Variants in TRNT1 observed in about 807,000 individuals in gnomAD.
The protein encoded by TRNT1 is CCA tRNA nucleotidyltransferase 1, mitochondrial.
In TRNT1, 44 loss-of-function variants were observed where a neutral mutation model predicts 45.6. The ratio of observed to expected loss-of-function variants is 0.97; its 90% confidence interval spans 0.76 to 1.24. The LOEUF is 1.24. TRNT1 is among the 50% of genes most tolerant of loss of function. The pLI is 0.00. For missense variants in TRNT1, 633 were observed against 504.4 expected, an observed-to-expected ratio of 1.25 and a Z score of -2.44; for synonymous variants, 201 against 171.4, an observed-to-expected ratio of 1.17 and a Z score of -1.35.
intron 2 of TRNT1, among the ~76,000 whole-genome samples, chr3:3,130,974 T>C (rs1472115772): frequency 6.6e-6 from 1 of 151,880 alleles, no homozygotes; most frequent in Non-Finnish European, 1.5e-5. Flanking sequence ...CCCTGCTACT[T>C]GGGAGGCTGA....
chr3:3,130,075 C>G, intron 2 of TRNT1: 1 of 1,088,354 alleles, frequency 9.2e-7, no homozygotes, highest in Non-Finnish European at 1.3e-6. Context: ...TGTTGATTCT[C>G]AATGTTGTCT....
chr3:3,133,562 A>G (rs992312378), intron 2 of TRNT1, among the ~76,000 whole-genome samples: 25 of 151,990 alleles, frequency 1.6e-4, no homozygotes, highest in African/African-American at 5.8e-4. Context: ...TCTCAAAAAA[A>G]AAAAAATGAG....
At chr3:3,150,433 G>GTTA (rs1393550171), downstream of TRNT1, 2 of 158,234 alleles carry the variant, frequency 1.3e-5, no homozygotes, top group African/African-American at 4.8e-5. Context: ...CCTAGCTTTT[G>GTTA]TTATTTAGAG....
chr3:3,151,077 A>C, downstream of TRNT1: 6 of 1,610,450 alleles, frequency 3.7e-6, no homozygotes, highest in Non-Finnish European at 5.1e-6. Flanking sequence ...TCAGCTAAGG[A>C]AACATTTCTG....
rs1480255948 is a variant in TRNT1, at chr3:3,129,146, G to A, written c.106G>A (p.Glu36Lys). 4 of 1,614,154 alleles carry A rather than the reference G, an allele frequency of 2.5e-6. No homozygotes were observed. The highest frequency in any genetic ancestry group is 1.7e-5 in the Admixed American group (1 of 60,026). ...ATTCACAATGAAGTTGCAGTCTCCC[G>A]AATTCCAGTCACTTTTCACAGAAGG... ...YLFTMKLQSP[E>K]FQSLFTEGLK... is the part of the protein sequence containing the mutation. The change falls in exon 2 of 8, where the codon GAA (glutamate) becomes AAA (lysine). Residue 36 changes from glutamate to lysine, a missense_variant. By Grantham distance (56) the Glu-to-Lys change is moderately conservative. Transcript: ENST00000251607.
chr3:3,135,104 T>C (rs544220931), intron 2 of TRNT1, among the ~76,000 whole-genome samples: 40 of 152,280 alleles, frequency 2.6e-4, no homozygotes, highest in African/African-American at 9.4e-4. Context: ...TTGTTTGCCA[T>C]GTAGACATAC....
downstream of TRNT1, chr3:3,150,609 T>G: frequency 2.6e-6 from 1 of 392,132 alleles, no homozygotes; most frequent in Admixed American, 3.9e-5. Context: ...CATATCAGAT[T>G]CCACAGGATA....
chr3:3,153,358 CAG>C, downstream of TRNT1: 3 of 949,282 alleles, frequency 3.2e-6, no homozygotes, highest in East Asian at 2.4e-5. Context: ...TTATGGAAAA[CAG>C]AAATACAGTC....
At chr3:3,139,800 C>G (rs1705534469) in intron 3 of TRNT1, among the ~76,000 whole-genome samples, 1 of 152,028 alleles carries the variant, frequency 6.6e-6, no homozygotes, top group Admixed American at 6.6e-5. Context: ...GATCTCGACT[C>G]ACTGCAGCCT....
At chr3:3,136,800 G>A (rs1272231747) in intron 2 of TRNT1, 1 of 348,710 alleles carries the variant, frequency 2.9e-6, no homozygotes, top group African/African-American at 2.2e-5. Flanking sequence ...GACTACAGGT[G>A]TGCGCCACTG....
downstream of TRNT1, chr3:3,150,781 G>C: frequency 1.6e-6 from 2 of 1,287,340 alleles, no homozygotes; most frequent in Non-Finnish European, 1.1e-6. Context: ...TGTTTACTTA[G>C]GTATGTATCA....
downstream of TRNT1, chr3:3,150,666 C>T (rs900215425): frequency 7.5e-6 from 4 of 536,866 alleles, no homozygotes; most frequent in East Asian, 3.4e-5. Flanking sequence ...TCTAGACTGC[C>T]GTTCATGCTT....
At position 3,129,864 on chromosome 3, in the gene TRNT1, C is replaced by T. The variant is rs560513577; in HGVS notation, c.148+676C>T. The stretch of plus-strand genomic sequence containing the variant: ...ACTAGAGAGCTAGGTTTCGAACTTA[C>T]GCAGATTGATTTCAGAGCCCAGCTT... On this transcript the variant is annotated intron_variant, in intron 2 of 7. Coordinates refer to ENST00000251607, the MANE Select transcript of TRNT1 (RefSeq NM_182916.3). 2.9e-5 allele frequency: 45 copies of T among 1,550,278 alleles called. No individual in the cohort carries two copies. The South Asian group carries it at 3.0e-4, about 10-fold the overall frequency.
chr3:3,147,728 G>A, intron 7 of TRNT1, 25 bp downstream of exon 7: 9 of 1,570,966 alleles, frequency 5.7e-6, no homozygotes, highest in Non-Finnish European at 7.7e-6. Flanking sequence ...GGCTTGGTCA[G>A]AAATATGAAG....
intron 2 of TRNT1, among the ~76,000 whole-genome samples, chr3:3,132,694 A>C (rs1705077898): frequency 7.4e-6 from 1 of 135,848 alleles, no homozygotes; most frequent in African/African-American, 3.1e-5. Flanking sequence ...AAAAAAAAAA[A>C]ATTAAAAAAA....
chr3:3,129,156 C>G lies in TRNT1; in HGVS notation c.116C>G (p.Ser39Ter). The G allele has an allele frequency of 1.9e-6, 3 of 1,614,138 alleles. No homozygotes were observed. The highest frequency in any genetic ancestry group is 2.5e-6 in the Non-Finnish European group (3 of 1,180,016). ...TMKLQSPEFQ[S>*]LFTEGLKSLT... is the part of the protein sequence containing the mutation. ...AAGTTGCAGTCTCCCGAATTCCAGTCACTTTTCACAGAAGGACTGAAGAGT... is the reference window on the plus strand; with the variant it reads ...AAGTTGCAGTCTCCCGAATTCCAGTGACTTTTCACAGAAGGACTGAAGAGT... Residue 39 changes from serine (S) to a stop codon, truncating the protein, a stop_gained, in exon 2 of 8, where the codon TCA (serine) becomes TGA (stop). Coordinates refer to ENST00000251607, the MANE Select transcript of TRNT1 (RefSeq NM_182916.3). LOFTEE classifies it high-confidence loss of function.
intron 6 of TRNT1, among the ~76,000 whole-genome samples, chr3:3,147,106 AGTAACATTACTGAAT>A (rs1706085843): frequency 6.6e-6 from 1 of 152,198 alleles, no homozygotes; most frequent in Non-Finnish European, 1.5e-5. Flanking sequence ...TTCAAATTTC[AGTAACATTACTGAAT>A]GGGGGGTGGA....
intron 2 of TRNT1, chr3:3,131,269 TTCTGTG>T (rs1705001400): frequency 1.3e-5 from 2 of 152,090 alleles, no homozygotes; most frequent in African/African-American, 4.8e-5. Context: ...GCTTTTTTCT[TTCTGTG>T]TATGCCCTTC....
At chr3:3,152,719 T>G, downstream of TRNT1, 1 of 1,082,444 alleles carries the variant, frequency 9.2e-7, no homozygotes, top group Non-Finnish European at 1.4e-6. Flanking sequence ...CAGTTTTATA[T>G]AATACCAGGA....
Sources: allele counts gnomAD v4.1 joint callset (sites outside exome capture counted in the v4.1 genomes callset), GRCh38; gene constraint gnomAD v4.1.1; transcripts MANE v1.5; gene names NCBI Gene and HGNC (gene_info 2026-07-23, HGNC 2026-07-21).